The following PIK3C2G variants were observed in gnomAD, a reference collection of about 807,000 sequenced individuals.
The protein encoded by PIK3C2G is phosphatidylinositol 3-kinase C2 domain-containing subunit gamma.
A neutral mutation model predicts 181.1 loss-of-function variants in PIK3C2G; 168 were observed. The observed-to-expected ratio is 0.93, with a 90% CI of 0.82 to 1.05. The LOEUF is 1.05. Among genes scored for constraint, PIK3C2G ranks in the 50% least tolerant of loss-of-function variants. The pLI is 0.00. For missense variants in PIK3C2G, 1,869 were observed against 1,732.8 expected (o/e 1.08, Z -1.40); for synonymous variants, 573 against 592.2 (o/e 0.97, Z 0.47).
intron 11 of PIK3C2G, among the ~76,000 whole-genome samples, chr12:18,356,857 T>G (rs371010567): frequency 2.2e-4 from 28 of 124,998 alleles, no homozygotes; most frequent in African/African-American, 8.1e-4. Context: ...GAGCCTGGGG[T>G]TTTTATGGTT....
intron 18 of PIK3C2G, among the ~76,000 whole-genome samples, chr12:18,448,705 G>T (rs1485870404): frequency 6.6e-6 from 1 of 151,778 alleles, no homozygotes. Context: ...AAAATGGCAA[G>T]ATTTCCTTTT....
rs1314777766 is a variant in PIK3C2G, at chr12:18,369,449, C to A, written c.1749-1731C>A. 1.3e-5 allele frequency among the ~76,000 whole-genome samples: 2 copies of A among 151,138 alleles called. 1 individual carries two copies. Among genetic ancestry groups the A allele is most frequent in the Non-Finnish European group, 2.9e-5 (2 of 67,834 alleles). On this transcript the variant is annotated intron_variant, in intron 12 of 32. Coordinates refer to ENST00000538779, the MANE Select transcript of PIK3C2G (RefSeq NM_001288772.2). ...AATTGACATATGATCATATAACGAT[C>A]GTATAATTGACATATGATCATATAA...
rs1943976823 is a variant in PIK3C2G at position 18,397,659 on chromosome 12, C to T, written c.2127-2000C>T. 2.6e-5 allele frequency among the ~76,000 whole-genome samples: 4 copies of T among 152,054 alleles called. No homozygotes were observed. In the South Asian group the frequency reaches 6.2e-4, roughly 24 times the overall value. On this transcript the variant is annotated intron_variant, in intron 15 of 32. Coordinates refer to ENST00000538779, the MANE Select transcript of PIK3C2G (RefSeq NM_001288772.2). ...AAGAATGTGGTACAAATGGAACTAT[C>T]ATACTCTGCAGGCAATAGTGTAAAA...
At chr12:18,420,452 T>TTTAGC (rs1308104501) in intron 16 of PIK3C2G, among the ~76,000 whole-genome samples, 3 of 152,146 alleles carry the variant, frequency 2.0e-5, no homozygotes, top group African/African-American at 7.2e-5. Context: ...ACTAGTAAGA[T>TTTAGC]TTAGCTGTAT....
At chr12:18,349,033 T>C (rs12424071) in intron 11 of PIK3C2G, among the ~76,000 whole-genome samples, 3 of 152,168 alleles carry the variant, frequency 2.0e-5, no homozygotes, top group Admixed American at 2.0e-4. Flanking sequence ...TTTCAACAAA[T>C]GTCCTCAGGC....
At chr12:18,390,913 A>T (rs368667368) in intron 14 of PIK3C2G, among the ~76,000 whole-genome samples, 1 of 152,138 alleles carries the variant, frequency 6.6e-6, no homozygotes, top group African/African-American at 2.4e-5. Context: ...TACCATTTGT[A>T]TACATAATTG....
chr12:18,699,745 G>T, the PIK3C2G span: 1 of 1,535,484 alleles, frequency 6.5e-7, no homozygotes, highest in Non-Finnish European at 9.0e-7. Context: ...CCCTAGCAGT[G>T]AATCTAACTC....
intron 31 of PIK3C2G, among the ~76,000 whole-genome samples, chr12:18,625,137 C>A (rs2136688192): frequency 6.6e-6 from 1 of 151,662 alleles, no homozygotes; most frequent in Non-Finnish European, 1.5e-5. Context: ...AAGTTTTGTT[C>A]TTATTTGATA....
chr12:18,537,877 G>A (rs1943942350), intron 24 of PIK3C2G, among the ~76,000 whole-genome samples: 1 of 151,746 alleles, frequency 6.6e-6, no homozygotes, highest in African/African-American at 2.4e-5. Flanking sequence ...TACTTTTAAT[G>A]AATAATATTC....
chr12:18,460,437 G>T (rs2135933705), intron 18 of PIK3C2G, among the ~76,000 whole-genome samples: 1 of 151,954 alleles, frequency 6.6e-6, no homozygotes, highest in Non-Finnish European at 1.5e-5. Flanking sequence ...AGCCAGGTGT[G>T]GTGGCACGCG....
At chr12:18,631,081 G>C (rs536761989) in intron 31 of PIK3C2G, among the ~76,000 whole-genome samples, 1 of 152,160 alleles carries the variant, frequency 6.6e-6, no homozygotes, top group South Asian at 2.1e-4. Context: ...AATCATAAGG[G>C]CAAAGGATGA....
intron 24 of PIK3C2G, among the ~76,000 whole-genome samples, chr12:18,534,368 A>G (rs1943728187): frequency 6.6e-6 from 1 of 152,002 alleles, no homozygotes; most frequent in African/African-American, 2.4e-5. Flanking sequence ...CTCACTTCTC[A>G]CCCCTATTGG....
chr12:18,274,288 C>G (rs1948878858), intron 1 of PIK3C2G, among the ~76,000 whole-genome samples: 1 of 152,176 alleles, frequency 6.6e-6, no homozygotes, highest in Admixed American at 6.5e-5. Context: ...TTTGACCCAG[C>G]CATCCCATTA....
intron 29 of PIK3C2G, among the ~76,000 whole-genome samples, chr12:18,567,682 A>C (rs958048738): frequency 2.0e-5 from 3 of 151,908 alleles, no homozygotes; most frequent in African/African-American, 7.3e-5. Context: ...AGTAGGATTA[A>C]ACAGAGGTGG....
At position 18,391,148 on chromosome 12, in the gene PIK3C2G, GT is replaced by G. The variant is rs1943508351; in HGVS notation, c.2023del (p.Tyr675IlefsTer2). 6.2e-7 allele frequency: 1 copy of G among 1,607,030 alleles called. No homozygotes were observed. Among genetic ancestry groups the G allele is most frequent in the African/African-American group, 1.3e-5 (1 of 74,780 alleles). On this transcript the variant is annotated frameshift_variant, in exon 15 of 33. Coordinates refer to ENST00000538779, the MANE Select transcript of PIK3C2G (RefSeq NM_001288772.2). LOFTEE classifies it high-confidence loss of function. Reference sequence around the variant, plus strand: ...TTGATTTTCCAGCTACTGGGTGGGAGTATATGAAACCTGATTCTGAAGAGAA... The same window carrying G: ...TTGATTTTCCAGCTACTGGGTGGGAGATATGAAACCTGATTCTGAAGAGAA... Reference protein sequence around the residue: ...QIDFPATGWEYMKPDSEENRS... With the variant: ...QIDFPATGWEXMKPDSEENRS...
intron 31 of PIK3C2G, among the ~76,000 whole-genome samples, chr12:18,625,525 C>T (rs953712078): frequency 6.6e-6 from 1 of 151,720 alleles, no homozygotes; most frequent in East Asian, 1.9e-4. Context: ...CCAGATACAT[C>T]CATTGCGTCC....
intron 31 of PIK3C2G, 57 bp downstream of exon 31, chr12:18,609,686 C>A (rs535060964): frequency 9.8e-7 from 1 of 1,021,168 alleles, no homozygotes; most frequent in Non-Finnish European, 1.5e-6. Context: ...AATCACTTAC[C>A]TCCTTTGGGC....
the PIK3C2G span, among the ~76,000 whole-genome samples, chr12:18,678,385 C>T: frequency 1.3e-5 from 2 of 152,134 alleles, no homozygotes; most frequent in East Asian, 3.9e-4. Context: ...TAAAGCTTCA[C>T]GTTTGAAGTA....
chr12:18,302,933 A>T (rs2137301983), intron 5 of PIK3C2G, among the ~76,000 whole-genome samples: 1 of 152,088 alleles, frequency 6.6e-6, no homozygotes, highest in Non-Finnish European at 1.5e-5. Context: ...CAGACGAGGC[A>T]GGGTGATTCC....
Sources: gnomAD v4.1 joint callset for allele counts (sites outside exome capture counted in the v4.1 genomes callset) on GRCh38, gnomAD v4.1.1 for gene constraint, MANE v1.5 for transcripts, NCBI Gene and HGNC (gene_info 2026-07-23, HGNC 2026-07-21) for gene names.